The following POLR2F variants were observed in gnomAD, a reference collection of about 807,000 sequenced individuals.
POLR2F encodes the protein DNA-directed RNA polymerases I, II, and III subunit RPABC2.
A neutral mutation model predicts 22.7 loss-of-function variants in POLR2F; 12 were observed. The ratio of observed to expected loss-of-function variants is 0.53; its 90% CI spans 0.34 to 0.86. The LOEUF is 0.86. Ranked by LOEUF, POLR2F falls within the 40% of genes least tolerant of loss-of-function variation. POLR2F has a pLI of 0.02. For synonymous variants in POLR2F, 57 were observed against 66.0 expected (o/e 0.86, Z 0.66); for missense variants, 126 against 171.5 (o/e 0.73, Z 1.48).
intron 2 of POLR2F, 123 bp from the exon 3 acceptor site, chr22:37,959,223 C>T: frequency 1.1e-6 from 1 of 911,026 alleles, no homozygotes; most frequent in East Asian, 2.4e-5. Flanking sequence ...TTATGTGGTC[C>T]CCTGGCATGC....
chr22:37,972,058 A>G (rs1601877185), downstream of POLR2F, among the ~76,000 whole-genome samples: 3 of 113,160 alleles, frequency 2.7e-5, no homozygotes, highest in Non-Finnish European at 3.6e-5. Flanking sequence ...GGAGAGTGGG[A>G]GGGGGGAGAG....
Position 38,016,758 on chromosome 22 carries a change from C to T in POLR2F, c.121-9111C>T, listed in dbSNP as rs374872031. Among the ~76,000 whole-genome samples, 10 of 151,774 alleles carry T rather than the reference C, an allele frequency of 6.6e-5. No homozygotes were observed. Among genetic ancestry groups the T allele is most frequent in the African/African-American group, 1.9e-4 (8 of 41,302 alleles). On this transcript the variant is annotated intron_variant, in intron 1 of 2. Transcript: ENST00000333418. The surrounding 1 kb of genome is among the most constrained non-coding windows in gnomAD (Gnocchi z 4.4). ...GGGGGAGGGGGCGGGAGGGGGCCGCCGTCAATGCCCGCATTGTCCCCGCGC... is the reference window on the plus strand; with the variant it reads ...GGGGGAGGGGGCGGGAGGGGGCCGCTGTCAATGCCCGCATTGTCCCCGCGC...
chr22:37,983,614 C>G, upstream of POLR2F: 1 of 1,606,918 alleles, frequency 6.2e-7, no homozygotes, highest in Non-Finnish European at 8.5e-7. The surrounding 1 kb of genome is among the most constrained non-coding windows in gnomAD (Gnocchi z 9.5). Context: ...CGTCCTGCTG[C>G]TCCTTCTTGA....
Position 37,953,821 on chromosome 22 carries a change from C to A in POLR2F, c.20+14C>A, listed in dbSNP as rs780120316. ...CAACGAGGACAAGTGAGTGCGGGAG[C>A]GGAGTGGCCTTTGCGGCAACCTTGG... On this transcript the variant is annotated intron_variant, in intron 1 of 4. Coordinates refer to ENST00000442738, the MANE Select transcript of POLR2F (RefSeq NM_021974.5). 40 of 1,607,338 alleles carry A rather than the reference C, an allele frequency of 2.5e-5. No homozygotes were observed. The highest frequency in any genetic ancestry group is 3.1e-5 in the Non-Finnish European group (37 of 1,178,074).
chr22:38,000,776 G>A (rs940048150), intron 1 of POLR2F, among the ~76,000 whole-genome samples: 37 of 152,308 alleles, frequency 2.4e-4, no homozygotes, highest in African/African-American at 8.7e-4. Flanking sequence ...GGGAACATAT[G>A]GAGACCACAG....
In POLR2F at chr22:37,978,034, C is replaced by T. The variant is rs1283642219; in HGVS notation, c.293+10864C>T. On this transcript the variant is annotated intron_variant, in intron 4 of 4. Coordinates refer to the POLR2F transcript ENST00000405557. This position sits in a 1 kb window ranked among gnomAD's most constrained non-coding sequence, Gnocchi z 5.0. ...CTGGGCGGCCTTCCCGTTCTTCCGC[C>T]GCCTGGGCTGGTACTTGTAGTCCGG... 6.2e-7 allele frequency: 1 copy of T among 1,611,372 alleles called. No individual in the cohort carries two copies. The highest frequency in any genetic ancestry group is 8.5e-7 in the Non-Finnish European group (1 of 1,179,392).
chr22:38,010,929 T>G (rs1278380468), intron 1 of POLR2F, among the ~76,000 whole-genome samples: 2 of 152,066 alleles, frequency 1.3e-5, no homozygotes, highest in Non-Finnish European at 2.9e-5. Flanking sequence ...AATGGTGTCT[T>G]TTGAAGAGCG....
At position 37,997,793 on chromosome 22, in the gene POLR2F, G is replaced by A. The variant is rs2084729371; in HGVS notation, c.120+11481G>A. 6.6e-6 allele frequency among the ~76,000 whole-genome samples: 1 copy of A among 152,144 alleles called. No individual in the cohort carries two copies. The highest frequency in any genetic ancestry group is 1.5e-5 in the Non-Finnish European group (1 of 68,018). ...CGGGGCCCTTTCTCTGGCTGTCCCA[G>A]GGACCTCACCTCCTGTGAGCCCACA... is the stretch of plus-strand genomic sequence containing the variant. On this transcript the variant is annotated intron_variant, in intron 1 of 2. Transcript: ENST00000333418. This position sits in a 1 kb window ranked among gnomAD's most constrained non-coding sequence, Gnocchi z 4.4.
intron 1 of POLR2F, among the ~76,000 whole-genome samples, chr22:38,007,385 T>A (rs1426907943): frequency 6.6e-6 from 1 of 152,116 alleles, no homozygotes; most frequent in Non-Finnish European, 1.5e-5. Context: ...GTAGGGTGGC[T>A]GGCAGACAGA....
intron 1 of POLR2F, among the ~76,000 whole-genome samples, chr22:38,013,995 G>A (rs2084894021): frequency 6.6e-6 from 1 of 151,916 alleles, no homozygotes; most frequent in South Asian, 2.1e-4. Context: ...GATGGCGCAT[G>A]CCTGTAATCC....
rs577673916 is a variant in POLR2F at position 37,959,883 on chromosome 22, A to G, written c.221+407A>G. 2.3e-4 allele frequency among the ~76,000 whole-genome samples: 34 copies of G among 150,856 alleles called. 1 individual carries two copies. Among genetic ancestry groups the G allele is most frequent in the Admixed American group, 4.0e-4 (6 of 15,068 alleles). On this transcript the variant is annotated intron_variant, in intron 3 of 4. Transcript: ENST00000442738. Reference sequence around the variant, plus strand: ...CAATGGCACAATCTCAGCTCACTGCAACCTCTGCCTCCCAGGTTCAAGTGA... The same window carrying G: ...CAATGGCACAATCTCAGCTCACTGCGACCTCTGCCTCCCAGGTTCAAGTGA...
Position 38,016,132 on chromosome 22 carries a change from C to T in POLR2F, c.121-9737C>T, listed in dbSNP as rs1402600699. 2.0e-5 allele frequency among the ~76,000 whole-genome samples: 3 copies of T among 152,216 alleles called. No individual in the cohort carries two copies. The highest frequency in any genetic ancestry group is 4.4e-5 in the Non-Finnish European group (3 of 68,034). On this transcript the variant is annotated intron_variant, in intron 1 of 2. Transcript: ENST00000333418. This position sits in a 1 kb window ranked among gnomAD's most constrained non-coding sequence, Gnocchi z 4.4. The stretch of plus-strand genomic sequence containing the variant: ...GGGTTATGTCTTGCTCAGCCTTACA[C>T]CCCCTGCGTCTGGCCAGGGACTCAG...
At chr22:37,960,591 G>T (rs1444825268) in intron 3 of POLR2F, among the ~76,000 whole-genome samples, 2 of 151,900 alleles carry the variant, frequency 1.3e-5, no homozygotes, top group Non-Finnish European at 2.9e-5. Context: ...TGGAGACGGG[G>T]TTTCACCATG....
chr22:38,031,185 G>T (rs527288311), downstream of POLR2F, among the ~76,000 whole-genome samples: 1 of 152,192 alleles, frequency 6.6e-6, no homozygotes, highest in African/African-American at 2.4e-5. This position sits in a 1 kb window ranked among gnomAD's most constrained non-coding sequence, Gnocchi z 4.1. Flanking sequence ...CGAGAGTTTG[G>T]GTGTCATTCC....
intron 1 of POLR2F, among the ~76,000 whole-genome samples, chr22:38,005,027 A>G (rs1019066140): frequency 6.6e-6 from 1 of 152,198 alleles, no homozygotes; most frequent in African/African-American, 2.4e-5. Context: ...AAGAAAGGCC[A>G]GGAGCCATTG....
At chr22:37,976,625 G>A (rs1184041584) in intron 4 of POLR2F, among the ~76,000 whole-genome samples, 1 of 152,184 alleles carries the variant, frequency 6.6e-6, no homozygotes, top group African/African-American at 2.4e-5. Context: ...CAGATGCCCG[G>A]GAGCCAAACT....
At chr22:37,981,840 G>A (rs3026648), upstream of POLR2F, among the ~76,000 whole-genome samples, 834 of 152,332 alleles carry the variant, frequency 5.5e-3, 13 homozygotes, top group African/African-American at 0.019. Flanking sequence ...CGGGCTGGTC[G>A]CTGAGCCCTG....
chr22:37,986,203 A>G lies in POLR2F; in HGVS notation c.13A>G (p.Arg5Gly). 1 of 1,542,740 alleles carries G rather than the reference A, an allele frequency of 6.5e-7. No individual in the cohort carries two copies. The highest frequency in any genetic ancestry group is 8.7e-7 in the Non-Finnish European group (1 of 1,147,592). ...CGGAGAGGAGCCGCCCTGGATGGAC[A>G]GAGGGACGAGGGACGAGCATCTGCC... is the stretch of plus-strand genomic sequence containing the variant. The change falls in exon 1 of 3, where the codon AGA (arginine) becomes GGA (glycine). Residue 5 changes from arginine to glycine, a missense_variant. Physicochemically the swap from Arg to Gly is moderately radical, Grantham distance 125. Transcript: ENST00000333418. The surrounding 1 kb of genome is among the most constrained non-coding windows in gnomAD (Gnocchi z 4.7).
rs1931887803 is a variant in POLR2F, at chr22:37,967,166, C to G, written c.289C>G (p.Leu97Val). The G allele has an allele frequency of 6.2e-7, 1 of 1,612,796 alleles. No homozygotes were observed. The highest frequency in any genetic ancestry group is 8.5e-7 in the Non-Finnish European group (1 of 1,178,976). The change falls in exon 4 of 5, where the codon CTC becomes GTC. Residue 97 changes from leucine (L) to valine (V), a missense_variant. Transcript: ENST00000442738. ...TDPLLIAMKELKARKIPIIIR... is the reference protein window; with the variant it reads ...TDPLLIAMKEVKARKIPIIIR... ...TCCTCTGCTCATTGCCATGAAGGAA[C>G]TCAAGTAAGTCACTCAAATCATGGT...
Sources: gnomAD v4.1 joint callset for allele counts (sites outside exome capture counted in the v4.1 genomes callset) on GRCh38, gnomAD v4.1.1 for gene constraint, Gnocchi (gnomAD v3.1) non-coding constraint, MANE v1.5 for transcripts, NCBI Gene and HGNC (gene_info 2026-07-23, HGNC 2026-07-21) for gene names.